The following NLGN1 variants were observed in gnomAD, a reference collection of about 807,000 sequenced individuals.
NLGN1 encodes neuroligin-1.
A neutral mutation model predicts 65.5 loss-of-function variants in NLGN1; 12 were observed. That is an observed-to-expected ratio of 0.18 (90% CI 0.12 to 0.30). NLGN1 has a LOEUF of 0.30. NLGN1 is among the 10% of genes least tolerant of loss of function. The probability of loss-of-function intolerance (pLI) is 1.00; values close to 1 mark genes in which losing one functional copy is unlikely to be tolerated. For synonymous variants in NLGN1, 350 were observed against 359.5 expected (o/e 0.97, Z 0.30); for missense variants, 750 against 1,007.1 (o/e 0.74, Z 3.46).
chr3:173,627,282 A>G (rs1754969901), intron 3 of NLGN1, among the ~76,000 whole-genome samples: 1 of 152,094 alleles, frequency 6.6e-6, no homozygotes, highest in African/African-American at 2.4e-5. Flanking sequence ...AAGATTCCAC[A>G]TATCAATGAG....
chr3:173,870,822 G>T (rs1731035562), intron 4 of NLGN1, among the ~76,000 whole-genome samples: 1 of 152,158 alleles, frequency 6.6e-6, no homozygotes, highest in African/African-American at 2.4e-5. Flanking sequence ...TAAAACTATT[G>T]TGAAGTCCTG....
At chr3:173,422,103 G>GAT (rs1413194870) in intron 1 of NLGN1, among the ~76,000 whole-genome samples, 3 of 151,318 alleles carry the variant, frequency 2.0e-5, no homozygotes, top group Non-Finnish European at 4.4e-5. Flanking sequence ...ATATATATGT[G>GAT]ATATATATGT....
chr3:173,514,451 GT>G, intron 2 of NLGN1, among the ~76,000 whole-genome samples: 1 of 152,190 alleles, frequency 6.6e-6, no homozygotes, highest in East Asian at 1.9e-4. Flanking sequence ...TGTTCTGGTA[GT>G]TTAGCTGTCA....
At chr3:173,499,841 A>G (rs1419295196) in intron 2 of NLGN1, among the ~76,000 whole-genome samples, 1 of 151,714 alleles carries the variant, frequency 6.6e-6, no homozygotes, top group Non-Finnish European at 1.5e-5. Context: ...TTCACTCATG[A>G]TTTGGCTCTC....
intron 4 of NLGN1, among the ~76,000 whole-genome samples, chr3:174,211,727 T>TA (rs1255653888): frequency 6.7e-6 from 1 of 148,858 alleles, no homozygotes; most frequent in East Asian, 2.0e-4. Flanking sequence ...ATTAGTTAGA[T>TA]ACAGAGTTTC....
chr3:173,804,794 A>G (rs1164682811), intron 3 of NLGN1, among the ~76,000 whole-genome samples: 17 of 152,144 alleles, frequency 1.1e-4, no homozygotes, highest in Admixed American at 1.1e-3. Flanking sequence ...TGGGAGGCCG[A>G]GGAGGGCAGA....
intron 4 of NLGN1, among the ~76,000 whole-genome samples, chr3:174,055,471 T>A (rs1271451210): frequency 6.6e-6 from 1 of 152,058 alleles, no homozygotes; most frequent in Non-Finnish European, 1.5e-5. Flanking sequence ...TGACTTGTCT[T>A]ATGTGACTAG....
intron 4 of NLGN1, among the ~76,000 whole-genome samples, chr3:173,905,650 C>T (rs2152200778): frequency 6.6e-6 from 1 of 152,272 alleles, no homozygotes; most frequent in East Asian, 1.9e-4. Context: ...ATAAGAAATA[C>T]ATCACTTGGG....
intron 4 of NLGN1, among the ~76,000 whole-genome samples, chr3:173,985,192 C>T (rs1460870084): frequency 1.3e-5 from 2 of 152,176 alleles, no homozygotes; most frequent in Non-Finnish European, 2.9e-5. Flanking sequence ...AGCACAATAA[C>T]ATTTCTCTGT....
chr3:174,008,381 G>A (rs1288676419), intron 4 of NLGN1, among the ~76,000 whole-genome samples: 2 of 134,680 alleles, frequency 1.5e-5, no homozygotes, highest in Admixed American at 8.6e-5. Context: ...GAGGAGCTCT[G>A]TATCAATAGG....
At chr3:173,660,323 AAGAC>A (rs1334425772) in intron 3 of NLGN1, among the ~76,000 whole-genome samples, 3 of 151,720 alleles carry the variant, frequency 2.0e-5, no homozygotes, top group African/African-American at 7.3e-5. Flanking sequence ...TTATCAAAGA[AAGAC>A]AGAATACCAC....
chr3:173,833,530 A>T (rs913412199), intron 4 of NLGN1, among the ~76,000 whole-genome samples: 5 of 151,442 alleles, frequency 3.3e-5, no homozygotes, highest in African/African-American at 1.2e-4. Context: ...TTATTTATTT[A>T]TTTTTTTGAG....
At chr3:174,250,692 G>A (rs561679095) in intron 4 of NLGN1, among the ~76,000 whole-genome samples, 88 of 152,156 alleles carry the variant, frequency 5.8e-4, no homozygotes, top group Non-Finnish European at 1.2e-3. Flanking sequence ...GGGCCTTGAA[G>A]CTGAGTTTGA....
intron 4 of NLGN1, among the ~76,000 whole-genome samples, chr3:173,991,528 C>A (rs1218298853): frequency 6.6e-6 from 1 of 152,120 alleles, no homozygotes; most frequent in African/African-American, 2.4e-5. Flanking sequence ...GTCTATTGAG[C>A]ACTTGATATG....
At chr3:173,852,305 G>A (rs949577911) in intron 4 of NLGN1, among the ~76,000 whole-genome samples, 5 of 130,710 alleles carry the variant, frequency 3.8e-5, no homozygotes, top group East Asian at 2.5e-4. Flanking sequence ...GCAGTGAGCC[G>A]AGATCGCGCC....
chr3:174,051,904 A>G lies in NLGN1; in HGVS notation c.647-223411A>G, dbSNP rs189747306. ...AAAGATGTAACACAATACAATTGAA[A>G]AAGGATGCGGATTCAGTGCTGGACA... On this transcript the variant is annotated intron_variant, in intron 4 of 6. Coordinates refer to ENST00000457714, the Ensembl canonical transcript of NLGN1. Among the ~76,000 whole-genome samples, 493 of 152,162 alleles carry G rather than the reference A, an allele frequency of 3.2e-3. 1 individual carries two copies. Among genetic ancestry groups the G allele is most frequent in the South Asian group, 9.3e-3 (45 of 4,830 alleles).
At chr3:174,192,602 A>G (rs867167702) in intron 4 of NLGN1, among the ~76,000 whole-genome samples, 56 of 152,166 alleles carry the variant, frequency 3.7e-4, no homozygotes, top group Admixed American at 1.3e-3. Flanking sequence ...AATAAAAACA[A>G]TGTAGGTCCT....
At chr3:174,004,415 G>A (rs1016528264) in intron 4 of NLGN1, among the ~76,000 whole-genome samples, 2 of 151,884 alleles carry the variant, frequency 1.3e-5, no homozygotes, top group Non-Finnish European at 2.9e-5. Context: ...ATCTTGATTC[G>A]GTCACTTCTT....
At chr3:173,771,949 C>G (rs1448166214) in intron 3 of NLGN1, among the ~76,000 whole-genome samples, 1 of 151,864 alleles carries the variant, frequency 6.6e-6, no homozygotes, top group Non-Finnish European at 1.5e-5. Context: ...TCTTTGTCAA[C>G]TTTGAATTTA....
Sources: gnomAD v4.1 joint callset for allele counts (sites outside exome capture counted in the v4.1 genomes callset) on GRCh38, gnomAD v4.1.1 for gene constraint, MANE v1.5 for transcripts, NCBI Gene and HGNC (gene_info 2026-07-23, HGNC 2026-07-21) for gene names.